The following CAMK1D variants were observed in gnomAD, a reference collection of about 807,000 sequenced individuals.
The protein encoded by CAMK1D is calcium/calmodulin dependent protein kinase ID.
In CAMK1D, 9 loss-of-function variants were observed where a neutral mutation model predicts 47.7. The observed-to-expected ratio is 0.19, with a 90% CI of 0.11 to 0.33. CAMK1D has a LOEUF of 0.33. CAMK1D is among the 10% of genes least tolerant of loss of function. CAMK1D has a pLI of 1.00. For missense variants in CAMK1D, 291 were observed against 488.7 expected, an observed-to-expected ratio of 0.60 and a Z score of 3.81; for synonymous variants, 184 against 184.9, an observed-to-expected ratio of 0.99 and a Z score of 0.04.
chr10:12,545,794 C>T (rs575556193), intron 1 of CAMK1D, among the ~76,000 whole-genome samples: 6 of 151,120 alleles, frequency 4.0e-5, no homozygotes, highest in Non-Finnish European at 4.4e-5. Flanking sequence ...AGCGAGACTC[C>T]GTCTCAAAAA....
At chr10:12,811,429 T>G (rs1014354869) in intron 6 of CAMK1D, among the ~76,000 whole-genome samples, 1 of 152,212 alleles carries the variant, frequency 6.6e-6, no homozygotes, top group Non-Finnish European at 1.5e-5. Flanking sequence ...TAAGGAAGAT[T>G]TTGTAACTTC....
intron 2 of CAMK1D, among the ~76,000 whole-genome samples, chr10:12,659,587 C>T (rs1365116916): frequency 6.6e-6 from 1 of 152,122 alleles, no homozygotes; most frequent in Non-Finnish European, 1.5e-5. Flanking sequence ...CATTATTTCC[C>T]ACACTGATTA....
At chr10:12,530,806 C>T (rs1835780504) in intron 1 of CAMK1D, among the ~76,000 whole-genome samples, 1 of 152,204 alleles carries the variant, frequency 6.6e-6, no homozygotes, top group Non-Finnish European at 1.5e-5. Flanking sequence ...CCTGTAATCC[C>T]AGCACTTTGG....
At chr10:12,661,998 G>A (rs1840286551) in intron 2 of CAMK1D, among the ~76,000 whole-genome samples, 1 of 152,132 alleles carries the variant, frequency 6.6e-6, no homozygotes, top group South Asian at 2.1e-4. Context: ...CTTATGGATG[G>A]GATGGTAAAA....
intron 1 of CAMK1D, among the ~76,000 whole-genome samples, chr10:12,537,642 C>G (rs2100121435): frequency 6.6e-6 from 1 of 152,186 alleles, no homozygotes; most frequent in African/African-American, 2.4e-5. Context: ...CAGGCCCGGA[C>G]TGTCTCTGCT....
At chr10:12,454,830 C>T (rs535524488) in intron 1 of CAMK1D, among the ~76,000 whole-genome samples, 4 of 152,216 alleles carry the variant, frequency 2.6e-5, no homozygotes, top group South Asian at 2.1e-4. Flanking sequence ...TGGCTGTCCG[C>T]GCTCAGGTTT....
At chr10:12,723,721 T>C (rs1316816295) in intron 3 of CAMK1D, among the ~76,000 whole-genome samples, 3 of 152,226 alleles carry the variant, frequency 2.0e-5, no homozygotes, top group Non-Finnish European at 4.4e-5. Context: ...TAAAACTCTA[T>C]TAGCAGGTTT....
intron 2 of CAMK1D, among the ~76,000 whole-genome samples, chr10:12,595,799 G>A (rs1223969553): frequency 6.6e-6 from 1 of 152,038 alleles, no homozygotes; most frequent in Non-Finnish European, 1.5e-5. Flanking sequence ...AGAAGAAAGG[G>A]GAAAGTATTT....
At chr10:12,820,848 G>A (rs1205630065) in intron 8 of CAMK1D, among the ~76,000 whole-genome samples, 10 of 152,186 alleles carry the variant, frequency 6.6e-5, no homozygotes, top group East Asian at 3.9e-4. Context: ...ACAGGCTGCC[G>A]ACTGATGGCC....
intron 1 of CAMK1D, among the ~76,000 whole-genome samples, chr10:12,515,891 G>T (rs559619004): frequency 8.5e-5 from 13 of 152,194 alleles, no homozygotes; most frequent in African/African-American, 1.2e-4. Flanking sequence ...GATTACAGGC[G>T]TGAGCCACCG....
chr10:12,823,619 G>A (rs1388084595), intron 8 of CAMK1D, among the ~76,000 whole-genome samples: 1 of 151,806 alleles, frequency 6.6e-6, no homozygotes, highest in Non-Finnish European at 1.5e-5. Context: ...GTGGGATGGA[G>A]GGTACTGTCA....
chr10:12,591,638 C>G (rs1287751593), intron 2 of CAMK1D, among the ~76,000 whole-genome samples: 1 of 152,242 alleles, frequency 6.6e-6, no homozygotes. Flanking sequence ...GCTCACTTGA[C>G]TGTTCTCTCT....
chr10:12,564,494 G>A (rs1270364302), intron 2 of CAMK1D, among the ~76,000 whole-genome samples: 3 of 152,206 alleles, frequency 2.0e-5, no homozygotes, highest in Non-Finnish European at 2.9e-5. Context: ...CAGGGCTATC[G>A]TTTGAGTAGT....
At chr10:12,394,386 A>G (rs1340618036) in intron 1 of CAMK1D, among the ~76,000 whole-genome samples, 2 of 151,902 alleles carry the variant, frequency 1.3e-5, no homozygotes, top group Admixed American at 6.6e-5. Context: ...GACTGACTCA[A>G]CCTCCAGTGC....
At chr10:12,358,095 C>T (rs1564291081) in intron 1 of CAMK1D, among the ~76,000 whole-genome samples, 1 of 152,128 alleles carries the variant, frequency 6.6e-6, no homozygotes, top group South Asian at 2.1e-4. Context: ...AGTGCTGGCT[C>T]ACAACTGTAA....
At chr10:12,686,919 G>C (rs944551625) in intron 3 of CAMK1D, among the ~76,000 whole-genome samples, 9 of 152,146 alleles carry the variant, frequency 5.9e-5, no homozygotes, top group African/African-American at 2.2e-4. Context: ...CCCTCTAGCA[G>C]ACTGGATCTT....
At chr10:12,356,111 G>A (rs1234469371) in intron 1 of CAMK1D, among the ~76,000 whole-genome samples, 1 of 151,722 alleles carries the variant, frequency 6.6e-6, no homozygotes, top group Non-Finnish European at 1.5e-5. Flanking sequence ...CAGCCTGGGC[G>A]ACAGAGTGAG....
At chr10:12,774,838 G>A (rs1049158150) in intron 5 of CAMK1D, among the ~76,000 whole-genome samples, 1 of 152,278 alleles carries the variant, frequency 6.6e-6, no homozygotes, top group African/African-American at 2.4e-5. Context: ...AATAATGCTT[G>A]ATGATCTGAG....
chr10:12,765,174 G>C (rs1367370043), intron 4 of CAMK1D, among the ~76,000 whole-genome samples: 1 of 152,148 alleles, frequency 6.6e-6, no homozygotes, highest in Admixed American at 6.6e-5. Context: ...CAAAATTAAT[G>C]TCACAGTGAC....
Sources: gnomAD v4.1 joint callset for allele counts (sites outside exome capture counted in the v4.1 genomes callset) on GRCh38, gnomAD v4.1.1 for gene constraint, MANE v1.5 for transcripts, NCBI Gene and HGNC (gene_info 2026-07-23, HGNC 2026-07-21) for gene names.